The following NPHP4 variants were observed in gnomAD, a reference collection of about 807,000 sequenced individuals.
NPHP4 encodes nephrocystin-4.
Under a neutral mutation model 155.8 loss-of-function variants are expected in NPHP4, and 151 were observed. The ratio of observed to expected loss-of-function variants is 0.97; its 90% CI spans 0.85 to 1.11. NPHP4 has a LOEUF of 1.11. Ranked by LOEUF, NPHP4 falls within the 50% of genes least tolerant of loss-of-function variation. The pLI is 0.00. For synonymous variants in NPHP4, 845 were observed against 816.8 expected, an observed-to-expected ratio of 1.03 and a Z score of -0.59; for missense variants, 1,956 against 1,925.7, an observed-to-expected ratio of 1.02 and a Z score of -0.29.
At chr1:5,946,016 GTATAT>G (rs1192246741) in intron 9 of NPHP4, among the ~76,000 whole-genome samples, 1 of 152,184 alleles carries the variant, frequency 6.6e-6, no homozygotes, top group Admixed American at 6.5e-5. Context: ...TTTTATTACT[GTATAT>G]TATAATTGTT....
intron 9 of NPHP4, among the ~76,000 whole-genome samples, chr1:5,938,207 C>T (rs1469211560): frequency 6.6e-6 from 1 of 152,234 alleles, no homozygotes; most frequent in African/African-American, 2.4e-5. Context: ...CAAGTCCTTC[C>T]CGATGGCTCG....
At chr1:5,933,396 A>G in intron 9 of NPHP4, 67 bp from the exon 10 acceptor site, 1 of 1,312,226 alleles carries the variant, frequency 7.6e-7, no homozygotes, top group Non-Finnish European at 1.1e-6. Flanking sequence ...GGGGAAATCA[A>G]CAGTGCTTTC....
chr1:5,975,919 G>A (rs909722590), intron 3 of NPHP4, among the ~76,000 whole-genome samples: 1 of 152,190 alleles, frequency 6.6e-6, no homozygotes, highest in African/African-American at 2.4e-5. Flanking sequence ...GGAGATGGAA[G>A]CCCCCGCTTC....
Position 5,986,159 on chromosome 1 carries a change from C to T in NPHP4, c.131G>A (p.Arg44Lys), listed in dbSNP as rs957162947. The T allele has an allele frequency of 6.2e-7, 1 of 1,613,760 alleles. No homozygotes were observed. Among genetic ancestry groups the T allele is most frequent in the Admixed American group, 1.7e-5 (1 of 59,994 alleles). The change falls in exon 2 of 30, where the codon AGG (arginine) becomes AAG (lysine). Residue 44 changes from arginine (R) to lysine (K), a missense_variant. Arg to Lys is a conservative substitution (Grantham distance 26, BLOSUM62 2). Coordinates refer to ENST00000378156, the MANE Select transcript of NPHP4 (RefSeq NM_015102.5). ...GCTAACAGCACATTTTGTTACCTGC[C>T]TAATTACCGGTCCGTCCAGCCACTT... is the stretch of plus-strand genomic sequence containing the variant. ...VLKWLDGPVIRQGVLEVLSEV... is the reference protein window; with the variant it reads ...VLKWLDGPVIKQGVLEVLSEV...
At chr1:5,964,941 A>ATATATATTTTTTTTTTTTTTT in intron 5 of NPHP4, among the ~76,000 whole-genome samples, 12 of 59,424 alleles carry the variant, frequency 2.0e-4, no homozygotes, top group African/African-American at 5.9e-4. Context: ...ATATATATAT[A>ATATATATTTTTTTTTTTTTTT]TTTTTTTTTT....
intron 6 of NPHP4, among the ~76,000 whole-genome samples, chr1:5,954,496 T>TAGGTTTG (rs761722153): frequency 2.0e-5 from 3 of 152,224 alleles, no homozygotes; most frequent in Non-Finnish European, 2.9e-5. Context: ...AAACTCACAT[T>TAGGTTTG]AGGTTTGCCC....
At position 5,890,915 on chromosome 1, in the gene NPHP4, C is replaced by G. The variant is rs148424288; in HGVS notation, c.2257G>C (p.Asp753His). 3 of 1,610,338 alleles carry G rather than the reference C, an allele frequency of 1.9e-6. No homozygotes were observed. In the African/African-American group the frequency reaches 4.0e-5, roughly 22 times the overall value. Residue 753 changes from aspartate (D) to histidine (H), a missense_variant, in exon 17 of 30, where the codon GAC becomes CAC. Coordinates refer to ENST00000378156, the MANE Select transcript of NPHP4 (RefSeq NM_015102.5). This position sits in a 1 kb window ranked among gnomAD's most constrained non-coding sequence, Gnocchi z 4.9. ...CCGATGAGCAGCAGGGAGTCTCCGT[C>G]CCAGACGTCAATCTGCAGGGTCTGC... is the stretch of plus-strand genomic sequence containing the variant. ...AVQTLQIDVW[D>H]GDSLLLIGSA...
At chr1:5,937,654 C>T (rs945413445) in intron 9 of NPHP4, among the ~76,000 whole-genome samples, 7 of 152,150 alleles carry the variant, frequency 4.6e-5, no homozygotes, top group Admixed American at 2.6e-4. Context: ...AGCGCACTCA[C>T]GCTCCACTGT....
rs1314433319 is a variant in NPHP4, at chr1:5,889,585, C to A, written c.2304+1283G>T. On this transcript the variant is annotated intron_variant, in intron 17 of 29. Coordinates refer to ENST00000378156, the MANE Select transcript of NPHP4 (RefSeq NM_015102.5). This position sits in a 1 kb window ranked among gnomAD's most constrained non-coding sequence, Gnocchi z 4.2. ...CCACTGCCACCCCACACATGCCCAGCGGGACCCGGCTCTGCCTCCCACACC... is the reference window on the plus strand; with the variant it reads ...CCACTGCCACCCCACACATGCCCAGAGGGACCCGGCTCTGCCTCCCACACC... 6.6e-6 allele frequency among the ~76,000 whole-genome samples: 1 copy of A among 152,146 alleles called. No individual in the cohort carries two copies. The highest frequency in any genetic ancestry group is 1.5e-5 in the Non-Finnish European group (1 of 68,012).
intron 17 of NPHP4, chr1:5,888,656 C>T (rs763652592): frequency 4.6e-6 from 6 of 1,293,662 alleles, no homozygotes; most frequent in Non-Finnish European, 6.1e-6. Flanking sequence ...TCAGCTTCTC[C>T]AAGAGGCAAG....
At chr1:5,964,935 A>ATT (rs1476774217) in intron 5 of NPHP4, among the ~76,000 whole-genome samples, 10 of 31,948 alleles carry the variant, frequency 3.1e-4, no homozygotes, top group African/African-American at 7.8e-4. Context: ...ATATATATAT[A>ATT]TATATATTTT....
chr1:5,914,131 G>A (rs1645332484), intron 11 of NPHP4, among the ~76,000 whole-genome samples: 1 of 151,928 alleles, frequency 6.6e-6, no homozygotes, highest in African/African-American at 2.4e-5. Context: ...TAAAAGTACT[G>A]ACTACCAGCT....
intron 11 of NPHP4, among the ~76,000 whole-genome samples, chr1:5,918,092 C>A (rs1336996199): frequency 6.6e-6 from 1 of 152,064 alleles, no homozygotes; most frequent in Non-Finnish European, 1.5e-5. Flanking sequence ...GACTAATACC[C>A]TCTAAGAACA....
chr1:5,991,269 G>A (rs990015449), intron 1 of NPHP4, among the ~76,000 whole-genome samples: 6 of 128,616 alleles, frequency 4.7e-5, no homozygotes, highest in African/African-American at 1.6e-4. Context: ...CAGCAGACAA[G>A]CTCGCTACCC....
At chr1:5,971,160 G>A (rs944561610) in intron 3 of NPHP4, among the ~76,000 whole-genome samples, 4 of 152,174 alleles carry the variant, frequency 2.6e-5, no homozygotes, top group Non-Finnish European at 5.9e-5. Context: ...TACCTGAACC[G>A]GGTGGAACCT....
chr1:5,932,494 G>A (rs1289525196), intron 10 of NPHP4, among the ~76,000 whole-genome samples: 2 of 152,050 alleles, frequency 1.3e-5, no homozygotes, highest in African/African-American at 2.4e-5. Context: ...GCCAGAGCAG[G>A]GTTTCGCACT....
chr1:5,862,951 A>C lies in NPHP4; in HGVS notation c.*314T>G, dbSNP rs111874674. The C allele has an allele frequency of 9.1e-3, 3,547 of 390,590 alleles. 113 individuals are homozygous for C. Among genetic ancestry groups the C allele is most frequent in the African/African-American group, 0.064 (3,219 of 50,374 alleles). The allele number at this position is 390,590 out of a possible 1,614,324, so 24.2% of individuals were successfully genotyped here. A position where few individuals can be genotyped will look rare whatever the true frequency, so the allele number is the denominator to read the frequency against. ...ATAATTTTCTCATTTAGGATGATTC[A>C]TAAAATACATTTTGAGCAACAGCGA... On this transcript the variant is annotated 3_prime_UTR_variant, in exon 30 of 30. Transcript: ENST00000378156.
At chr1:5,868,886 ACAT>A (rs1394438574) in intron 23 of NPHP4, among the ~76,000 whole-genome samples, 3 of 144,672 alleles carry the variant, frequency 2.1e-5, no homozygotes, top group African/African-American at 5.2e-5. Flanking sequence ...CCACACGCAC[ACAT>A]ATGCACGCCC....
intron 6 of NPHP4, among the ~76,000 whole-genome samples, chr1:5,958,503 T>G (rs1171145098): frequency 6.6e-6 from 1 of 152,180 alleles, no homozygotes; most frequent in Non-Finnish European, 1.5e-5. Flanking sequence ...GAGACCTGCC[T>G]GGCCAACGTG....
Sources: gnomAD v4.1 joint callset for allele counts (sites outside exome capture counted in the v4.1 genomes callset) on GRCh38, gnomAD v4.1.1 for gene constraint, Gnocchi (gnomAD v3.1) non-coding constraint, MANE v1.5 for transcripts, NCBI Gene and HGNC (gene_info 2026-07-23, HGNC 2026-07-21) for gene names.